SCNN1B: variants seen among roughly 807,000 people sequenced by gnomAD.
SCNN1B encodes the protein sodium channel epithelial 1 subunit beta, also known as epithelial sodium channel subunit beta.
SCNN1B carries 46 observed loss-of-function variants against 65.3 expected under a neutral mutation model. The ratio of observed to expected loss-of-function variants is 0.70; its 90% confidence interval spans 0.56 to 0.90. SCNN1B has a LOEUF of 0.90. SCNN1B is among the 40% of genes least tolerant of loss of function. The probability of loss-of-function intolerance (pLI) is 0.00; values close to 1 mark genes in which losing one functional copy is unlikely to be tolerated. For synonymous variants in SCNN1B, 349 were observed against 330.6 expected (o/e 1.06, Z -0.60); for missense variants, 751 against 830.5 (o/e 0.90, Z 1.18).
intron 1 of SCNN1B, among the ~76,000 whole-genome samples, chr16:23,282,931 G>A (rs1036526623): frequency 2.0e-5 from 3 of 152,206 alleles, no homozygotes; most frequent in Admixed American, 2.0e-4. Flanking sequence ...GTGTGCTGTG[G>A]CTTCAATATA....
At chr16:23,378,883 G>A (rs866185681) in intron 11 of SCNN1B, 116 bp downstream of exon 11, 3 of 942,836 alleles carry the variant, frequency 3.2e-6, no homozygotes, top group Middle Eastern at 2.6e-4. Flanking sequence ...TCAGACCGAG[G>A]AGCAAGTCTT....
chr16:23,348,501 G>C lies in SCNN1B; in HGVS notation c.-8-91G>C, dbSNP rs970234754. 2.5e-6 allele frequency: 3 copies of C among 1,217,672 alleles called. No individual in the cohort carries two copies. The allele number at this position is 1,217,672 out of a possible 1,614,324, so 75.4% of individuals were successfully genotyped here. ...GTAAAGAGGGAGGAAGAACGGGGAC[G>C]TACCGCCGCCCAGTTCCTGGACGTG... is the stretch of plus-strand genomic sequence containing the variant. On this transcript the variant is annotated intron_variant, in intron 1 of 12. Transcript: ENST00000343070. The surrounding 1 kb of genome is among the most constrained non-coding windows in gnomAD (Gnocchi z 4.5).
intron 1 of SCNN1B, among the ~76,000 whole-genome samples, chr16:23,324,953 G>C (rs534933955): frequency 2.0e-5 from 3 of 152,268 alleles, no homozygotes; most frequent in African/African-American, 7.2e-5. Context: ...CATGGGGCCT[G>C]GTGGGCAGGG....
intron 1 of SCNN1B, among the ~76,000 whole-genome samples, chr16:23,319,348 A>G (rs552251746): frequency 3.3e-5 from 5 of 152,242 alleles, no homozygotes; most frequent in South Asian, 2.1e-4. Context: ...GCCCAGCCCA[A>G]TCTGGGCTTC....
intron 4 of SCNN1B, among the ~76,000 whole-genome samples, chr16:23,361,305 C>T (rs1339085355): frequency 1.3e-5 from 2 of 152,142 alleles, no homozygotes; most frequent in African/African-American, 4.8e-5. Flanking sequence ...CTCAAGTGAT[C>T]CTCCCTCCTC....
At chr16:23,361,688 G>T (rs1962556374) in intron 4 of SCNN1B, among the ~76,000 whole-genome samples, 1 of 152,142 alleles carries the variant, frequency 6.6e-6, no homozygotes, top group Non-Finnish European at 1.5e-5. Flanking sequence ...CACCTGGGTG[G>T]GTTTTTTAAC....
At chr16:23,332,537 G>A (rs1028063911) in intron 1 of SCNN1B, among the ~76,000 whole-genome samples, 3 of 151,910 alleles carry the variant, frequency 2.0e-5, no homozygotes, top group Non-Finnish European at 2.9e-5. Context: ...TCACTATGTC[G>A]CCAGGCTGAT....
chr16:23,349,250 G>A (rs966466611), intron 2 of SCNN1B, among the ~76,000 whole-genome samples: 4 of 152,182 alleles, frequency 2.6e-5, no homozygotes, highest in African/African-American at 9.7e-5. Flanking sequence ...GGCAAAGACA[G>A]AAGGATCCCT....
At chr16:23,368,849 C>T (rs371552021) in intron 5 of SCNN1B, among the ~76,000 whole-genome samples, 5 of 152,188 alleles carry the variant, frequency 3.3e-5, no homozygotes, top group South Asian at 4.1e-4. Flanking sequence ...AAATGATGTG[C>T]ACACGTGGAT....
At chr16:23,331,918 G>A (rs998978884) in intron 1 of SCNN1B, among the ~76,000 whole-genome samples, 7 of 152,140 alleles carry the variant, frequency 4.6e-5, no homozygotes, top group African/African-American at 1.7e-4. Flanking sequence ...GGCATTATAA[G>A]GAAACCCACA....
At chr16:23,335,227 A>T (rs535166646) in intron 1 of SCNN1B, among the ~76,000 whole-genome samples, 18 of 152,254 alleles carry the variant, frequency 1.2e-4, no homozygotes, top group African/African-American at 4.3e-4. Flanking sequence ...GGAGTAAATA[A>T]TTTTTTTATG....
intron 1 of SCNN1B, among the ~76,000 whole-genome samples, chr16:23,344,855 A>G (rs1208164872): frequency 2.0e-5 from 3 of 152,136 alleles, no homozygotes; most frequent in Non-Finnish European, 4.4e-5. Flanking sequence ...TTAGCTGGGC[A>G]TGGTGGCATG....
rs1296006377 is a variant in SCNN1B, at chr16:23,371,887, G to A, written c.1152+4G>A. 27 of 1,605,046 alleles carry A rather than the reference G, an allele frequency of 1.7e-5. No individual in the cohort carries two copies. Among genetic ancestry groups the A allele is most frequent in the Non-Finnish European group, 2.2e-5 (26 of 1,171,814 alleles). The stretch of plus-strand genomic sequence containing the variant: ...CAACACGACCTACTCCATCCAGGTG[G>A]GAAGGTGGTGCACGCCTCATGCCCC... On this transcript the variant is annotated splice_donor_region_variant and intron_variant, in intron 7 of 12. Coordinates refer to ENST00000343070, the MANE Select transcript of SCNN1B (RefSeq NM_000336.3).
chr16:23,351,868 C>T (rs1471508267), intron 2 of SCNN1B, among the ~76,000 whole-genome samples: 1 of 150,968 alleles, frequency 6.6e-6, no homozygotes, highest in Middle Eastern at 3.2e-3. Flanking sequence ...CCCAAAGTTG[C>T]TCCCCCCTGG....
intron 3 of SCNN1B, 57 bp downstream of exon 3, chr16:23,353,131 G>A (rs1962347259): frequency 1.3e-6 from 2 of 1,576,690 alleles, no homozygotes; most frequent in African/African-American, 1.3e-5. Context: ...AGGCTGATGG[G>A]TGTTTCTTTT....
intron 1 of SCNN1B, among the ~76,000 whole-genome samples, chr16:23,279,372 G>A (rs1218067731): frequency 2.0e-5 from 3 of 152,170 alleles, no homozygotes; most frequent in Admixed American, 2.0e-4. Flanking sequence ...GAACCACCAC[G>A]CCCAGCCGTG....
At chr16:23,307,064 G>C (rs768285462) in intron 1 of SCNN1B, among the ~76,000 whole-genome samples, 4 of 152,212 alleles carry the variant, frequency 2.6e-5, no homozygotes, top group Middle Eastern at 3.4e-3. Flanking sequence ...TCTTGCAGTG[G>C]GTCAGTGGTA....
At chr16:23,373,302 A>G (rs888186087) in intron 7 of SCNN1B, among the ~76,000 whole-genome samples, 1 of 151,936 alleles carries the variant, frequency 6.6e-6, no homozygotes, top group African/African-American at 2.4e-5. Flanking sequence ...AATTTTTAAA[A>G]TTTTTTGCAG....
At chr16:23,340,548 A>T (rs1263596394) in intron 1 of SCNN1B, among the ~76,000 whole-genome samples, 1 of 151,000 alleles carries the variant, frequency 6.6e-6, no homozygotes, top group Non-Finnish European at 1.5e-5. Flanking sequence ...ACACTTTTTT[A>T]TTTTTTTACG....
Sources: allele counts gnomAD v4.1 joint callset (sites outside exome capture counted in the v4.1 genomes callset), GRCh38; gene constraint gnomAD v4.1.1; non-coding constraint Gnocchi (gnomAD v3.1); transcripts MANE v1.5; gene names NCBI Gene and HGNC (gene_info 2026-07-23, HGNC 2026-07-21).